Variants in ESPNL observed in about 807,000 individuals in gnomAD.
ESPNL encodes the protein espin-like protein.
A neutral mutation model predicts 46.8 loss-of-function variants in ESPNL; 49 were observed. The observed-to-expected ratio is 1.05, with a 90% CI of 0.83 to 1.33. ESPNL has a LOEUF of 1.33. Among genes scored for constraint, ESPNL ranks in the 40% most tolerant of loss-of-function variants. The probability of loss-of-function intolerance (pLI) is 0.00; values close to 1 mark genes in which losing one functional copy is unlikely to be tolerated. For synonymous variants in ESPNL, 664 were observed against 662.1 expected (o/e 1.00, Z -0.04); for missense variants, 1,540 against 1,436.6 (o/e 1.07, Z -1.16).
chr2:238,129,109 A>C, intron 8 of ESPNL: 2 of 1,415,776 alleles, frequency 1.4e-6, no homozygotes, highest in South Asian at 1.6e-5. Context: ...CCTGCTCTGG[A>C]GGCATGGGTC....
rs369328898 is a variant in ESPNL at position 238,131,319 on chromosome 2, G to A, written c.2605G>A (p.Asp869Asn). The A allele has an allele frequency of 1.4e-5, 23 of 1,586,494 alleles. No homozygotes were observed. The highest frequency in any genetic ancestry group is 8.0e-5 in the African/African-American group (6 of 74,550). ...GGGTTACTTCCAGCTGCTGGAGTGCGACCTGCCGGCGGAGGAGCGGAAGCT... is the reference window on the plus strand; with the variant it reads ...GGGTTACTTCCAGCTGCTGGAGTGCAACCTGCCGGCGGAGGAGCGGAAGCT... The part of the protein sequence containing the change: ...MLGYFQLLEC[D>N]LPAEERKLRH... The change falls in exon 9 of 9, where the codon GAC becomes AAC. Residue 869 changes from aspartate to asparagine, a missense_variant. Physicochemically the swap from Asp to Asn is conservative, Grantham distance 23. Coordinates refer to ENST00000343063, the MANE Select transcript of ESPNL (RefSeq NM_194312.4).
At position 238,100,392 on chromosome 2, in the gene ESPNL, A is replaced by T. The variant is rs375531495; in HGVS notation, c.-28A>T. The T allele has an allele frequency of 1.2e-4, 181 of 1,571,424 alleles. 1 individual carries two copies. The African/African-American group carries it at 2.1e-3, about 18-fold the overall frequency. On this transcript the variant is annotated 5_prime_UTR_variant, in exon 1 of 9. Transcript: ENST00000343063. ...AACAGGAAGCCCCAGCCTGTGCATG[A>T]GTCGCCACTGAGAGCCCGGGCCAGA...
intron 4 of ESPNL, among the ~76,000 whole-genome samples, chr2:238,115,031 C>T (rs1215635981): frequency 5.3e-5 from 8 of 152,162 alleles, no homozygotes; most frequent in African/African-American, 1.7e-4. Flanking sequence ...TGTGGCTCTG[C>T]GGTTCTGGCG....
At chr2:238,127,017 TTG>T (rs765635255) in intron 6 of ESPNL, among the ~76,000 whole-genome samples, 25 of 149,904 alleles carry the variant, frequency 1.7e-4, no homozygotes, top group East Asian at 1.4e-3. Context: ...CTGTGTGTGA[TTG>T]TGTTTGTGTG....
At chr2:238,120,241 C>G (rs1271064706) in intron 5 of ESPNL, among the ~76,000 whole-genome samples, 1 of 152,156 alleles carries the variant, frequency 6.6e-6, no homozygotes, top group African/African-American at 2.4e-5. Context: ...CCTGGGTCTC[C>G]CCACAGCTCC....
intron 5 of ESPNL, among the ~76,000 whole-genome samples, chr2:238,121,545 G>A (rs1410667405): frequency 1.3e-5 from 2 of 152,236 alleles, no homozygotes; most frequent in East Asian, 1.9e-4. Context: ...CTACAGGTGT[G>A]CGCCACCACA....
intron 3 of ESPNL, 32 bp from the exon 4 acceptor site, chr2:238,107,759 G>C: frequency 1.3e-6 from 2 of 1,537,214 alleles, no homozygotes; most frequent in Non-Finnish European, 1.8e-6. Context: ...TCCCTGGGAG[G>C]ATGGCTGCTC....
rs1691932565 is a variant in ESPNL at position 238,119,472 on chromosome 2, G to GGAGGAGAGGA, written c.987+2440_987+2441insGGAGAGGAGA. The stretch of plus-strand genomic sequence containing the variant: ...AGAGGAGGTTAGATGAAGGAGGAAT[G>GGAGGAGAGGA]GATGGAGGAGGTGGATGGAGGAGGT... On this transcript the variant is annotated intron_variant, in intron 5 of 8. Coordinates refer to ENST00000343063, the MANE Select transcript of ESPNL (RefSeq NM_194312.4). Among the ~76,000 whole-genome samples the GGAGGAGAGGA allele has an allele frequency of 5.3e-5, 5 of 93,794 alleles. 1 individual carries two copies. The highest frequency in any genetic ancestry group is 2.4e-4 in the African/African-American group (5 of 21,264). The allele number at this position is 93,794 out of a possible 152,430, so 61.5% of individuals were successfully genotyped here. A position where few individuals can be genotyped will look rare whatever the true frequency, so the allele number is the denominator to read the frequency against.
At chr2:238,122,383 C>T (rs2106474713) in intron 5 of ESPNL, among the ~76,000 whole-genome samples, 1 of 152,352 alleles carries the variant, frequency 6.6e-6, no homozygotes, top group South Asian at 2.1e-4. Context: ...GTCTTGCAGG[C>T]CCATGCCAGG....
chr2:238,111,514 G>A (rs72987166), intron 4 of ESPNL, among the ~76,000 whole-genome samples: 28,864 of 152,082 alleles, frequency 0.19, 2,996 homozygotes, highest in African/African-American at 0.27. Context: ...GACTTAGGAT[G>A]CCTCATATAA....
chr2:238,116,217 C>A (rs1196338765), intron 4 of ESPNL, among the ~76,000 whole-genome samples: 1 of 152,220 alleles, frequency 6.6e-6, no homozygotes, highest in Admixed American at 6.5e-5. Flanking sequence ...CCTTCACAGG[C>A]CAAGATGTCC....
At position 238,128,903 on chromosome 2, in the gene ESPNL, A is replaced by G. The variant is rs1282770113; in HGVS notation, c.1412A>G (p.Gln471Arg). ...GGCGCAGAGAGCTCCGCAGAGGCCC[A>G]GGTAGGCCCCCGGCAGGGGCGGGAC... ...RLGAESSAEA[Q>R]DNGGSSGPTE... The change falls in exon 8 of 9, where the codon CAG becomes CGG. Residue 471 changes from glutamine (Q) to arginine (R), a missense_variant and splice_region_variant. Physicochemically the swap from Gln to Arg is conservative, Grantham distance 43 (BLOSUM62 1). Coordinates refer to ENST00000343063, the MANE Select transcript of ESPNL (RefSeq NM_194312.4). 1.3e-6 allele frequency: 2 copies of G among 1,537,432 alleles called. No individual in the cohort carries two copies. Among genetic ancestry groups the G allele is most frequent in the Non-Finnish European group, 1.7e-6 (2 of 1,143,836 alleles).
intron 4 of ESPNL, among the ~76,000 whole-genome samples, chr2:238,113,543 AT>A (rs1351451997): frequency 3.9e-5 from 6 of 151,938 alleles, no homozygotes; most frequent in Non-Finnish European, 8.8e-5. Context: ...TTGTATTTTT[AT>A]TTTTGTTGAC....
intron 5 of ESPNL, among the ~76,000 whole-genome samples, chr2:238,124,371 C>T (rs562422762): frequency 2.6e-5 from 4 of 152,286 alleles, no homozygotes; most frequent in East Asian, 1.9e-4. Context: ...CCCATGCCCT[C>T]GGCTGGTGGG....
chr2:238,115,203 C>A (rs1219164232), intron 4 of ESPNL, among the ~76,000 whole-genome samples: 1 of 152,182 alleles, frequency 6.6e-6, no homozygotes, highest in African/African-American at 2.4e-5. Flanking sequence ...CCCCTGGTGG[C>A]GCTGTGGCCT....
rs562112257 is a variant in ESPNL at position 238,132,041 on chromosome 2, C to T, written c.*309C>T. 895 of 295,792 alleles carry T rather than the reference C, an allele frequency of 3.0e-3. 4 individuals are homozygous for T. Among genetic ancestry groups the T allele is most frequent in the Non-Finnish European group, 4.5e-3 (720 of 159,304 alleles). The allele number at this position is 295,792 out of a possible 1,614,324, so 18.3% of individuals were successfully genotyped here. A position where few individuals can be genotyped will look rare whatever the true frequency, so the allele number is the denominator to read the frequency against. On this transcript the variant is annotated 3_prime_UTR_variant, in exon 9 of 9. Transcript: ENST00000343063. ...GACCTGGGATGCTGCCTGTTTCTCA[C>T]TTGTCCTTCCCCAGTGTCACCAGTT...
intron 5 of ESPNL, among the ~76,000 whole-genome samples, chr2:238,122,080 G>A (rs1363334486): frequency 6.6e-6 from 1 of 152,278 alleles, no homozygotes; most frequent in Admixed American, 6.5e-5. Context: ...ACCAGGGACA[G>A]CGACAGCGGT....
At chr2:238,115,610 C>T (rs1447546757) in intron 4 of ESPNL, among the ~76,000 whole-genome samples, 1 of 152,274 alleles carries the variant, frequency 6.6e-6, no homozygotes, top group Non-Finnish European at 1.5e-5. Context: ...AGAGAATGAA[C>T]ACTAATTGCA....
rs558131505 is a variant in ESPNL at position 238,128,091 on chromosome 2, C to T, written c.1215+357C>T. 1.8e-4 allele frequency among the ~76,000 whole-genome samples: 28 copies of T among 152,364 alleles called. No individual in the cohort carries two copies. In the South Asian group the frequency reaches 5.6e-3, roughly 30 times the overall value. On this transcript the variant is annotated intron_variant, in intron 7 of 8. Transcript: ENST00000343063. ...ATCCATGGGCAGGGCCCCGCTGCCA[C>T]CGTCCTCCTCCTCAGGGCCTCGGCC...
Sources: allele counts gnomAD v4.1 joint callset (sites outside exome capture counted in the v4.1 genomes callset), GRCh38; gene constraint gnomAD v4.1.1; transcripts MANE v1.5; gene names NCBI Gene and HGNC (gene_info 2026-07-23, HGNC 2026-07-21).